PTPRG: variants seen among roughly 807,000 people sequenced by gnomAD.
The protein encoded by PTPRG is receptor-type tyrosine-protein phosphatase gamma.
In PTPRG, 102 loss-of-function variants were observed where a neutral mutation model predicts 165.3. The observed-to-expected ratio is 0.62, with a 90% CI of 0.53 to 0.73. PTPRG has a LOEUF of 0.73. Ranked by LOEUF, PTPRG falls within the 30% of genes least tolerant of loss-of-function variation. The pLI is 0.00. For synonymous variants in PTPRG, 675 were observed against 669.5 expected (o/e 1.01, Z -0.13); for missense variants, 1,866 against 1,861.4 (o/e 1.00, Z -0.05).
intron 5 of PTPRG, among the ~76,000 whole-genome samples, chr3:62,088,835 A>G (rs804422): frequency 0.14 from 21,952 of 152,152 alleles, 3,890 homozygotes; most frequent in African/African-American, 0.42. Context: ...AGCATTATAG[A>G]AGGATTTTCC....
At chr3:61,887,137 TA>T (rs1379557965) in intron 2 of PTPRG, among the ~76,000 whole-genome samples, 19 of 40,570 alleles carry the variant, frequency 4.7e-4, no homozygotes, top group Non-Finnish European at 8.9e-4. Context: ...TATATATATA[TA>T]TATATATATA....
intron 5 of PTPRG, among the ~76,000 whole-genome samples, chr3:62,121,058 C>T (rs992078474): frequency 6.6e-6 from 1 of 151,672 alleles, no homozygotes; most frequent in Non-Finnish European, 1.5e-5. Flanking sequence ...CATTCTCCTG[C>T]CTCAGCCTCC....
chr3:61,840,079 T>C (rs761569790), intron 2 of PTPRG, among the ~76,000 whole-genome samples: 6 of 152,234 alleles, frequency 3.9e-5, no homozygotes, highest in African/African-American at 7.2e-5. Context: ...TGCACATATA[T>C]ATTTAGATGT....
chr3:62,023,332 T>G (rs1292878639), intron 4 of PTPRG, among the ~76,000 whole-genome samples: 3 of 152,212 alleles, frequency 2.0e-5, no homozygotes, highest in Admixed American at 1.3e-4. Context: ...AACAGACTTA[T>G]GATGAAATTT....
chr3:62,075,928 C>A (rs1030513120), intron 4 of PTPRG, among the ~76,000 whole-genome samples: 6 of 152,100 alleles, frequency 3.9e-5, no homozygotes, highest in African/African-American at 1.4e-4. Context: ...AGTGGAATCA[C>A]ACTCTTACTA....
intron 1 of PTPRG, among the ~76,000 whole-genome samples, chr3:61,612,687 C>T (rs1241527286): frequency 6.6e-6 from 1 of 152,110 alleles, no homozygotes; most frequent in Non-Finnish European, 1.5e-5. Context: ...CAGTGCAACA[C>T]TTTAGAGTTC....
intron 14 of PTPRG, among the ~76,000 whole-genome samples, chr3:62,236,150 G>A (rs1278275029): frequency 1.1e-4 from 16 of 152,226 alleles, no homozygotes; most frequent in Admixed American, 8.5e-4. Flanking sequence ...CAGCAAGTGA[G>A]TTGTTGTATA....
rs1405830429 is a variant in PTPRG, at chr3:62,146,255, T to C, written c.683-10812T>C. On this transcript the variant is annotated intron_variant, in intron 6 of 29. Coordinates refer to ENST00000474889, the MANE Select transcript of PTPRG (RefSeq NM_002841.4). ...TTAAACATCAACCCTTAAATCAAAA[T>C]GCCATCCTTGGTCAGCTGAAACCTC... Among the ~76,000 whole-genome samples the C allele has an allele frequency of 2.6e-5, 4 of 152,252 alleles. No homozygotes were observed. In the East Asian group the frequency reaches 7.7e-4, roughly 29 times the overall value.
At chr3:61,735,659 T>C (rs2032692666) in intron 1 of PTPRG, among the ~76,000 whole-genome samples, 1 of 151,864 alleles carries the variant, frequency 6.6e-6, no homozygotes, top group South Asian at 2.1e-4. Flanking sequence ...AAGAGAGCAG[T>C]GTATTTGGAA....
intron 2 of PTPRG, among the ~76,000 whole-genome samples, chr3:61,948,335 AAAG>A (rs1418278037): frequency 1.3e-5 from 2 of 152,060 alleles, no homozygotes; most frequent in African/African-American, 4.8e-5. Flanking sequence ...TACAAAAAAA[AAAG>A]AAGGAAACTG....
At chr3:62,284,612 G>A (rs1180202165) in intron 28 of PTPRG, among the ~76,000 whole-genome samples, 1 of 152,196 alleles carries the variant, frequency 6.6e-6, no homozygotes, top group East Asian at 1.9e-4. Flanking sequence ...TTCCTTTTCA[G>A]TTTCCATCTT....
chr3:61,847,659 C>G (rs962955757), intron 2 of PTPRG, among the ~76,000 whole-genome samples: 4 of 152,130 alleles, frequency 2.6e-5, no homozygotes, highest in African/African-American at 9.7e-5. Context: ...TCCAAAAACT[C>G]AAGCCAAGAA....
intron 12 of PTPRG, among the ~76,000 whole-genome samples, chr3:62,212,786 C>T (rs1218605334): frequency 6.6e-6 from 1 of 152,172 alleles, no homozygotes; most frequent in Non-Finnish European, 1.5e-5. Context: ...TTGAACATTT[C>T]TAGTGGAAGC....
At position 61,906,697 on chromosome 3, in the gene PTPRG, A is replaced by T. The variant is rs138424931; in HGVS notation, c.191-82928A>T. Among the ~76,000 whole-genome samples, 104 of 152,268 alleles carry T rather than the reference A, an allele frequency of 6.8e-4. No individual in the cohort carries two copies. The Middle Eastern group carries it at 0.01, about 15-fold the overall frequency. On this transcript the variant is annotated intron_variant, in intron 2 of 29. Transcript: ENST00000474889. ...CTAGATGTTGAGGTAGGAGGATCAC[A>T]TGGGTCTGGGAGATCAAGTCTGCAA...
At chr3:61,815,104 A>G (rs2035713893) in intron 2 of PTPRG, among the ~76,000 whole-genome samples, 1 of 151,950 alleles carries the variant, frequency 6.6e-6, no homozygotes, top group Admixed American at 6.6e-5. Flanking sequence ...GTTTATTATT[A>G]AAAGAAATCT....
chr3:62,260,625 A>G (rs142225431), intron 16 of PTPRG, among the ~76,000 whole-genome samples: 156 of 152,290 alleles, frequency 1.0e-3, no homozygotes, highest in Non-Finnish European at 1.7e-3. Flanking sequence ...CTATTTATCA[A>G]GTTCTGAATA....
intron 4 of PTPRG, among the ~76,000 whole-genome samples, chr3:62,072,131 A>G (rs1380194114): frequency 6.6e-6 from 1 of 152,160 alleles, no homozygotes; most frequent in African/African-American, 2.4e-5. Flanking sequence ...AGCTAGGTGG[A>G]CATTTTGTTG....
chr3:61,847,045 A>G (rs1397498045), intron 2 of PTPRG, among the ~76,000 whole-genome samples: 1 of 152,166 alleles, frequency 6.6e-6, no homozygotes, highest in Non-Finnish European at 1.5e-5. Context: ...CGGTGTTTGG[A>G]GTGGAGTTGT....
At chr3:62,231,201 C>G (rs1431502630) in intron 13 of PTPRG, 24 bp from the exon 14 acceptor site, 1 of 1,513,646 alleles carries the variant, frequency 6.6e-7, no homozygotes. Context: ...TACACCTGTT[C>G]TCTTTTGTTT....
Sources: allele counts gnomAD v4.1 joint callset (sites outside exome capture counted in the v4.1 genomes callset), GRCh38; gene constraint gnomAD v4.1.1; transcripts MANE v1.5; gene names NCBI Gene and HGNC (gene_info 2026-07-23, HGNC 2026-07-21).